Variants in ZNF536 observed in about 807,000 individuals in gnomAD.
ZNF536 encodes zinc finger protein 536.
ZNF536 carries 13 observed loss-of-function variants against 84.5 expected under a neutral mutation model. The observed-to-expected ratio is 0.15, with a 90% confidence interval of 0.10 to 0.24. The LOEUF (loss-of-function observed/expected upper bound fraction) is 0.24, where lower values mean the gene tolerates loss of function less well. Ranked by LOEUF, ZNF536 falls within the 10% of genes least tolerant of loss-of-function variation. The probability of loss-of-function intolerance (pLI) is 1.00; values close to 1 mark genes in which losing one functional copy is unlikely to be tolerated. For synonymous variants in ZNF536, 811 were observed against 742.5 expected (o/e 1.09, Z -1.50); for missense variants, 1,536 against 1,747.5 (o/e 0.88, Z 2.16).
intron 2 of ZNF536, among the ~76,000 whole-genome samples, chr19:30,286,899 T>C (rs1279665322): frequency 6.6e-6 from 1 of 152,242 alleles, no homozygotes. Context: ...CATTTCCATA[T>C]GAGACACTCT....
intron 2 of ZNF536, among the ~76,000 whole-genome samples, chr19:30,342,188 T>C (rs1003780444): frequency 6.6e-6 from 1 of 152,142 alleles, no homozygotes; most frequent in African/African-American, 2.4e-5. Context: ...GTATAAGTCA[T>C]AGTTAGATAG....
At chr19:30,356,801 G>A (rs2048110333) in intron 3 of ZNF536, among the ~76,000 whole-genome samples, 2 of 152,224 alleles carry the variant, frequency 1.3e-5, no homozygotes, top group Admixed American at 1.3e-4. Flanking sequence ...CCCCTAGCAG[G>A]TAGTAGATAG....
chr19:30,372,688 T>G (rs2048653629), intron 1 of ZNF536, 132 bp downstream of exon 1: 1 of 152,178 alleles, frequency 6.6e-6, no homozygotes, highest in Admixed American at 6.5e-5. Flanking sequence ...CATGGATTCT[T>G]GTTCACGAAG....
intron 2 of ZNF536, among the ~76,000 whole-genome samples, chr19:30,313,086 G>A (rs2046560180): frequency 6.6e-6 from 1 of 152,244 alleles, no homozygotes; most frequent in Non-Finnish European, 1.5e-5. Flanking sequence ...CTGGGTCTCT[G>A]TGATGGCTTA....
intron 1 of ZNF536, among the ~76,000 whole-genome samples, chr19:30,674,251 A>C (rs908421825): frequency 1.3e-5 from 2 of 152,088 alleles, no homozygotes; most frequent in African/African-American, 4.8e-5. Flanking sequence ...CGTAGGCATC[A>C]CTCTGTGTCC....
chr19:30,324,080 A>G (rs910218396), intron 2 of ZNF536, among the ~76,000 whole-genome samples: 29 of 151,190 alleles, frequency 1.9e-4, no homozygotes, highest in Middle Eastern at 3.4e-3. Flanking sequence ...ATCATCATCC[A>G]TCATCTATTC....
intron 1 of ZNF536, among the ~76,000 whole-genome samples, chr19:30,658,027 CCT>C (rs1289352822): frequency 6.6e-6 from 1 of 151,118 alleles, no homozygotes; most frequent in African/African-American, 2.4e-5. Context: ...TTCCCCCCCC[CCT>C]TTTTTTTCCT....
chr19:30,469,542 A>C (rs943172219), intron 2 of ZNF536, among the ~76,000 whole-genome samples: 2 of 152,082 alleles, frequency 1.3e-5, no homozygotes, highest in African/African-American at 4.8e-5. Flanking sequence ...AAGCCAATAC[A>C]CCTGGATCCC....
chr19:30,535,450 G>A (rs753426389), intron 3 of ZNF536, among the ~76,000 whole-genome samples: 38 of 152,172 alleles, frequency 2.5e-4, no homozygotes, highest in Non-Finnish European at 4.9e-4. Context: ...AGCCCAGCCT[G>A]TGTTACATGC....
Position 30,445,976 on chromosome 19 carries a change from G to C in ZNF536, c.2170+244G>C, listed in dbSNP as rs2052313504. Among the ~76,000 whole-genome samples, 1 of 152,082 alleles carries C rather than the reference G, an allele frequency of 6.6e-6. No individual in the cohort carries two copies. Among genetic ancestry groups the C allele is most frequent in the African/African-American group, 2.4e-5 (1 of 41,426 alleles). On this transcript the variant is annotated intron_variant, in intron 2 of 4. Coordinates refer to ENST00000355537, the MANE Select transcript of ZNF536 (RefSeq NM_014717.3). This position sits in a 1 kb window ranked among gnomAD's most constrained non-coding sequence, Gnocchi z 4.5. Reference sequence around the variant, plus strand: ...AAGAAAGTAAGTTGAGGCCGGGTGTGGTGGCTCACGCCTGTAATCCCAGCA... The same window carrying C: ...AAGAAAGTAAGTTGAGGCCGGGTGTCGTGGCTCACGCCTGTAATCCCAGCA...
intron 1 of ZNF536, among the ~76,000 whole-genome samples, chr19:30,615,757 C>A (rs1412698611): frequency 1.3e-5 from 2 of 152,102 alleles, no homozygotes; most frequent in African/African-American, 4.8e-5. Flanking sequence ...AGTCTTACGT[C>A]TAAGAGCAAA....
intron 2 of ZNF536, among the ~76,000 whole-genome samples, chr19:30,461,783 A>G (rs1224863666): frequency 6.6e-6 from 1 of 152,086 alleles, no homozygotes; most frequent in Non-Finnish European, 1.5e-5. Context: ...TGTCCTTTAC[A>G]TGCTCTAGCC....
At chr19:30,616,881 G>T (rs2048314398) in intron 1 of ZNF536, among the ~76,000 whole-genome samples, 1 of 151,752 alleles carries the variant, frequency 6.6e-6, no homozygotes, top group African/African-American at 2.4e-5. Flanking sequence ...GGTCAATTTC[G>T]GTAACTACCC....
chr19:30,691,667 C>T (rs910973374), intron 1 of ZNF536, among the ~76,000 whole-genome samples: 2 of 151,900 alleles, frequency 1.3e-5, no homozygotes, highest in African/African-American at 4.8e-5. Context: ...TGTCTCCTTG[C>T]TAAAATCTCT....
At chr19:30,517,757 G>C (rs2044143446) in intron 2 of ZNF536, among the ~76,000 whole-genome samples, 1 of 151,998 alleles carries the variant, frequency 6.6e-6, no homozygotes, top group Admixed American at 6.6e-5. Context: ...ATTCCAGCCT[G>C]GGCAACAGAG....
intron 1 of ZNF536, among the ~76,000 whole-genome samples, chr19:30,578,402 A>G (rs1188214668): frequency 1.3e-5 from 2 of 152,236 alleles, no homozygotes; most frequent in Non-Finnish European, 2.9e-5. Context: ...TTCTGAGCCC[A>G]GGCATAATGC....
intron 1 of ZNF536, among the ~76,000 whole-genome samples, chr19:30,643,475 G>A (rs2049340387): frequency 6.6e-6 from 1 of 152,136 alleles, no homozygotes; most frequent in African/African-American, 2.4e-5. Flanking sequence ...CATTTATACA[G>A]TGTTTAATGT....
At chr19:30,319,533 G>C (rs573870757) in intron 2 of ZNF536, among the ~76,000 whole-genome samples, 6 of 152,316 alleles carry the variant, frequency 3.9e-5, no homozygotes, top group Non-Finnish European at 7.3e-5. Flanking sequence ...ATTCACAAAG[G>C]CTTCCAAGAA....
intron 3 of ZNF536, among the ~76,000 whole-genome samples, chr19:30,366,292 T>A (rs2048425423): frequency 6.6e-6 from 1 of 152,208 alleles, no homozygotes; most frequent in Non-Finnish European, 1.5e-5. Context: ...TTCTTCCGTG[T>A]CAGGCAAAGT....
Sources: allele counts gnomAD v4.1 joint callset (sites outside exome capture counted in the v4.1 genomes callset), GRCh38; gene constraint gnomAD v4.1.1; non-coding constraint Gnocchi (gnomAD v3.1); transcripts MANE v1.5; gene names NCBI Gene and HGNC (gene_info 2026-07-23, HGNC 2026-07-21).